The following RBM20 variants were observed in gnomAD, a reference collection of about 807,000 sequenced individuals.
RBM20 encodes the protein RNA binding motif protein 20, also known as RNA-binding protein 20.
In RBM20, 51 loss-of-function variants were observed where a neutral mutation model predicts 110.1. The observed-to-expected ratio is 0.46, with a 90% confidence interval of 0.37 to 0.59. The LOEUF is 0.59. Among genes scored for constraint, RBM20 ranks in the 20% least tolerant of loss-of-function variants. The probability of loss-of-function intolerance (pLI) is 0.00; values close to 1 mark genes in which losing one functional copy is unlikely to be tolerated. For missense variants in RBM20, 1,512 were observed against 1,574.9 expected (o/e 0.96, Z 0.68); for synonymous variants, 589 against 618.2 (o/e 0.95, Z 0.70).
intron 1 of RBM20, among the ~76,000 whole-genome samples, chr10:110,772,652 G>A (rs572468047): frequency 1.3e-5 from 2 of 152,242 alleles, no homozygotes; most frequent in East Asian, 1.9e-4. Flanking sequence ...TATGATGTTC[G>A]CATGACAAAA....
At chr10:110,716,829 A>G (rs1028619898) in intron 1 of RBM20, among the ~76,000 whole-genome samples, 7 of 151,858 alleles carry the variant, frequency 4.6e-5, no homozygotes, top group Non-Finnish European at 1.0e-4. Flanking sequence ...AGGCAGAAGA[A>G]TGGCGGGAAC....
chr10:110,767,322 C>T (rs1844111936), intron 1 of RBM20, among the ~76,000 whole-genome samples: 2 of 135,648 alleles, frequency 1.5e-5, no homozygotes, highest in African/African-American at 2.8e-5. Context: ...CCGGACGGGG[C>T]GGCTAGCCGG....
intron 1 of RBM20, among the ~76,000 whole-genome samples, chr10:110,772,468 T>C (rs1346649808): frequency 6.6e-6 from 1 of 152,236 alleles, no homozygotes. Flanking sequence ...TCCCATAAGA[T>C]TATAATACTG....
chr10:110,834,072 C>T (rs1254206138), intron 13 of RBM20, among the ~76,000 whole-genome samples: 1 of 152,214 alleles, frequency 6.6e-6, no homozygotes, highest in Admixed American at 6.5e-5. Context: ...TGCTGTGCCC[C>T]ACGGCTGGTC....
At chr10:110,814,701 G>A (rs1844817273) in intron 9 of RBM20, among the ~76,000 whole-genome samples, 1 of 152,128 alleles carries the variant, frequency 6.6e-6, no homozygotes, top group Non-Finnish European at 1.5e-5. Context: ...TCACCATGTT[G>A]GTCAGGCTGG....
chr10:110,752,172 T>A (rs1843862435), intron 1 of RBM20, among the ~76,000 whole-genome samples: 1 of 152,230 alleles, frequency 6.6e-6, no homozygotes. Context: ...TTCACTGCTC[T>A]AAACACCCTC....
intron 1 of RBM20, among the ~76,000 whole-genome samples, chr10:110,749,579 T>G (rs1346210531): frequency 6.6e-6 from 1 of 152,170 alleles, no homozygotes; most frequent in Admixed American, 6.5e-5. Context: ...GGATTTATCT[T>G]GCAATTACAG....
chr10:110,702,977 G>A (rs1448401611), intron 1 of RBM20, among the ~76,000 whole-genome samples: 1 of 146,212 alleles, frequency 6.8e-6, no homozygotes, highest in African/African-American at 2.5e-5. Context: ...GGTTTGGGGT[G>A]GGTTTTTTTT....
intron 1 of RBM20, among the ~76,000 whole-genome samples, chr10:110,649,125 G>A (rs1466171396): frequency 6.6e-6 from 1 of 152,020 alleles, no homozygotes; most frequent in African/African-American, 2.4e-5. Flanking sequence ...GATCTGTTAA[G>A]ATCTCTTTGC....
At chr10:110,752,945 A>ATATATATATAT (rs1433992064) in intron 1 of RBM20, among the ~76,000 whole-genome samples, 30 of 108,988 alleles carry the variant, frequency 2.8e-4, no homozygotes, top group African/African-American at 1.1e-3. Flanking sequence ...ATATATATAT[A>ATATATATATAT]TTTTTTTTTT....
intron 1 of RBM20, among the ~76,000 whole-genome samples, chr10:110,706,910 G>A (rs919338489): frequency 1.4e-4 from 21 of 152,122 alleles, no homozygotes; most frequent in African/African-American, 5.1e-4. Flanking sequence ...GGAATTCTCG[G>A]TATTCTCATC....
At chr10:110,746,930 A>G (rs1843787608) in intron 1 of RBM20, among the ~76,000 whole-genome samples, 1 of 152,218 alleles carries the variant, frequency 6.6e-6, no homozygotes, top group Admixed American at 6.5e-5. Flanking sequence ...AAATAATTCT[A>G]TACCACTTCT....
rs1036485472 is a variant in RBM20, at chr10:110,812,688, C to G, written c.2291C>G (p.Pro764Arg). The change falls in exon 9 of 14, where the codon CCC becomes CGC. Residue 764 changes from proline (P) to arginine (R), a missense_variant. Pro to Arg is a moderately radical substitution (Grantham distance 103). Coordinates refer to ENST00000369519, the MANE Select transcript of RBM20 (RefSeq NM_001134363.3). Reference sequence around the variant, plus strand: ...GAAGACGGCTACTACCGGAAAGAGCCCAAAGCCAAGTCGGACAAGTATCTG... The same window carrying G: ...GAAGACGGCTACTACCGGAAAGAGCGCAAAGCCAAGTCGGACAAGTATCTG... ...SREDGYYRKE[P>R]KAKSDKYLKQ... is the part of the protein sequence containing the mutation. The G allele has an allele frequency of 1.3e-6, 2 of 1,551,586 alleles. No individual in the cohort carries two copies. The highest frequency in any genetic ancestry group is 2.7e-5 in the African/African-American group (2 of 73,026).
chr10:110,831,253 C>G, intron 13 of RBM20, 71 bp downstream of exon 13: 1 of 1,500,834 alleles, frequency 6.7e-7, no homozygotes, highest in Non-Finnish European at 9.0e-7. Flanking sequence ...AGGTGTCTGG[C>G]GTCCTTGGCC....
intron 1 of RBM20, among the ~76,000 whole-genome samples, chr10:110,674,814 C>T (rs1375590248): frequency 6.6e-6 from 1 of 152,150 alleles, no homozygotes; most frequent in Non-Finnish European, 1.5e-5. Flanking sequence ...TCAATAACTT[C>T]AGAATTCTCC....
intron 4 of RBM20, 33 bp from the exon 5 acceptor site, chr10:110,784,759 G>A: frequency 7.2e-7 from 1 of 1,394,852 alleles, no homozygotes; most frequent in Non-Finnish European, 1.0e-6. Context: ...TACATTCTGG[G>A]TTTTCACTGA....
chr10:110,666,823 G>A, intron 1 of RBM20, among the ~76,000 whole-genome samples: 1 of 152,150 alleles, frequency 6.6e-6, no homozygotes, highest in South Asian at 2.1e-4. Flanking sequence ...GGTTTTACAA[G>A]CAGCTGTAAT....
At chr10:110,664,721 T>A (rs1466834822) in intron 1 of RBM20, among the ~76,000 whole-genome samples, 1 of 151,970 alleles carries the variant, frequency 6.6e-6, no homozygotes. Context: ...CACTTTAGCC[T>A]GGGCAACAGA....
chr10:110,758,085 C>A (rs1008371527), intron 1 of RBM20, among the ~76,000 whole-genome samples: 4 of 127,520 alleles, frequency 3.1e-5, no homozygotes, highest in Non-Finnish European at 6.2e-5. Flanking sequence ...GTGGTGCGAT[C>A]TCAGCTCACT....
Sources: gnomAD v4.1 joint callset for allele counts (sites outside exome capture counted in the v4.1 genomes callset) on GRCh38, gnomAD v4.1.1 for gene constraint, MANE v1.5 for transcripts, NCBI Gene and HGNC (gene_info 2026-07-23, HGNC 2026-07-21) for gene names.